The following NXPE4 variants were observed in gnomAD, a reference collection of about 807,000 sequenced individuals.
NXPE4 encodes NXPE family member 4.
A neutral mutation model predicts 33.3 loss-of-function variants in NXPE4; 42 were observed. The ratio of observed to expected loss-of-function variants is 1.26; its 90% CI spans 0.98 to 1.63. NXPE4 has a LOEUF of 1.63. Among genes scored for constraint, NXPE4 ranks in the 40% most tolerant of loss-of-function variants. The pLI is 0.00. For synonymous variants in NXPE4, 253 were observed against 234.9 expected (o/e 1.08, Z -0.71); for missense variants, 709 against 647.6 (o/e 1.09, Z -1.03).
chr11:114,572,918 A>T (rs1948921980), intron 5 of NXPE4, among the ~76,000 whole-genome samples: 1 of 152,230 alleles, frequency 6.6e-6, no homozygotes, highest in South Asian at 2.1e-4. Flanking sequence ...TAATCAGATT[A>T]TCTAAAGTCA....
chr11:114,601,399 G>A, the NXPE4 span, among the ~76,000 whole-genome samples: 6 of 139,986 alleles, frequency 4.3e-5, no homozygotes, highest in African/African-American at 1.6e-4. Context: ...AGTTCCATCC[G>A]TGTTGCTGCA....
chr11:114,595,952 T>G (rs1225949471), upstream of NXPE4, among the ~76,000 whole-genome samples: 1 of 152,146 alleles, frequency 6.6e-6, no homozygotes, highest in African/African-American at 2.4e-5. Context: ...AAATAACTGA[T>G]GAGAAAAAGA....
At chr11:114,614,496 C>A in the NXPE4 span, among the ~76,000 whole-genome samples, 7 of 149,714 alleles carry the variant, frequency 4.7e-5, no homozygotes, top group African/African-American at 1.7e-4. Flanking sequence ...AGCACAGTTA[C>A]CCGGTGGATA....
the NXPE4 span, among the ~76,000 whole-genome samples, chr11:114,606,916 T>C: frequency 6.6e-6 from 1 of 151,912 alleles, no homozygotes; most frequent in African/African-American, 2.4e-5. Flanking sequence ...CGGTGGATAA[T>C]AAGTATTGTC....
chr11:114,592,568 TG>T (rs1308258053), intron 2 of NXPE4, among the ~76,000 whole-genome samples: 4 of 151,796 alleles, frequency 2.6e-5, no homozygotes, highest in African/African-American at 4.8e-5. Flanking sequence ...TCCATGTTAA[TG>T]GGTTAGAAGA....
intron 1 of NXPE4, among the ~76,000 whole-genome samples, chr11:114,595,220 A>AT (rs1423833488): frequency 6.6e-6 from 1 of 152,120 alleles, no homozygotes; most frequent in Non-Finnish European, 1.5e-5. Flanking sequence ...ATTAATGCCA[A>AT]TCTATTAATA....
rs1308977097 is a variant in NXPE4, at chr11:114,582,292, CA to C, written c.825del (p.Phe275LeufsTer8). 3 of 1,565,784 alleles carry C rather than the reference CA, an allele frequency of 1.9e-6. No homozygotes were observed. The highest frequency in any genetic ancestry group is 2.6e-6 in the Non-Finnish European group (3 of 1,158,346). On this transcript the variant is annotated frameshift_variant, in exon 3 of 6. Transcript: ENST00000375478. LOFTEE classifies it high-confidence loss of function. ...SYLSKQEKSL[F>X]ERSNVGVEIM... is the part of the protein sequence containing the mutation. ...TCAAGAAGTAATTATTTTTACCTTT[CA>C]AAGAGGCTCTTTTCTTGTTTGCTAA... is the stretch of plus-strand genomic sequence containing the variant.
At chr11:114,632,187 A>G in the NXPE4 span, among the ~76,000 whole-genome samples, 11 of 142,380 alleles carry the variant, frequency 7.7e-5, no homozygotes, top group Non-Finnish European at 1.1e-4. Flanking sequence ...ATAATAAATA[A>G]ATGATCATAT....
the NXPE4 span, among the ~76,000 whole-genome samples, chr11:114,644,328 G>C: frequency 3.3e-5 from 5 of 152,256 alleles, no homozygotes; most frequent in South Asian, 6.2e-4. Context: ...TCCTTGTCTT[G>C]TGCTGGTTTT....
intron 5 of NXPE4, among the ~76,000 whole-genome samples, chr11:114,573,450 C>T (rs901427009): frequency 5.3e-5 from 7 of 132,930 alleles, no homozygotes; most frequent in Non-Finnish European, 1.1e-4. Context: ...CAAGTTTCTG[C>T]TGTCTTCAGG....
At chr11:114,624,587 C>T in the NXPE4 span, among the ~76,000 whole-genome samples, 1 of 151,690 alleles carries the variant, frequency 6.6e-6, no homozygotes, top group African/African-American at 2.4e-5. Context: ...CCACTGTTAA[C>T]TGGTGGATTA....
At chr11:114,654,883 G>A in the NXPE4 span, among the ~76,000 whole-genome samples, 1 of 152,146 alleles carries the variant, frequency 6.6e-6, no homozygotes, top group South Asian at 2.1e-4. Flanking sequence ...CTAGATCCTT[G>A]AGGAATCGCT....
At chr11:114,647,455 G>T in the NXPE4 span, among the ~76,000 whole-genome samples, 5 of 152,090 alleles carry the variant, frequency 3.3e-5, no homozygotes, top group Admixed American at 1.3e-4. Flanking sequence ...CTTATTTAAA[G>T]GGGGACAAAG....
the NXPE4 span, among the ~76,000 whole-genome samples, chr11:114,629,725 C>G: frequency 6.6e-6 from 1 of 151,764 alleles, no homozygotes; most frequent in African/African-American, 2.4e-5. Flanking sequence ...AAGAGGAAGT[C>G]AAATTGTCCC....
the NXPE4 span, among the ~76,000 whole-genome samples, chr11:114,670,518 A>T: frequency 6.6e-6 from 1 of 151,750 alleles, no homozygotes; most frequent in Non-Finnish European, 1.5e-5. Context: ...ACAGCAAGAC[A>T]TCATCTCTAC....
chr11:114,656,783 C>G, the NXPE4 span, among the ~76,000 whole-genome samples: 2 of 152,118 alleles, frequency 1.3e-5, no homozygotes, highest in African/African-American at 4.8e-5. Context: ...ATAAAATACC[C>G]TTAAAATAGT....
chr11:114,675,260 T>C, the NXPE4 span, among the ~76,000 whole-genome samples: 1 of 151,790 alleles, frequency 6.6e-6, no homozygotes, highest in Non-Finnish European at 1.5e-5. Flanking sequence ...AATAAGAGGA[T>C]ACCCACTCTT....
At chr11:114,574,938 C>G (rs911470738) in intron 5 of NXPE4, among the ~76,000 whole-genome samples, 4 of 152,072 alleles carry the variant, frequency 2.6e-5, no homozygotes, top group African/African-American at 7.2e-5. Flanking sequence ...ATGCTAAAAT[C>G]CTCACCAAAA....
chr11:114,619,865 C>T, the NXPE4 span, among the ~76,000 whole-genome samples: 3 of 140,196 alleles, frequency 2.1e-5, no homozygotes, highest in Non-Finnish European at 4.7e-5. Context: ...CGCTGGATAA[C>T]AAGTGTTGCC....
Sources: allele counts gnomAD v4.1 joint callset (sites outside exome capture counted in the v4.1 genomes callset), GRCh38; gene constraint gnomAD v4.1.1; transcripts MANE v1.5; gene names NCBI Gene and HGNC (gene_info 2026-07-23, HGNC 2026-07-21).